Variants in PLXNA4 observed in about 807,000 individuals in gnomAD.
PLXNA4 encodes plexin-A4.
Under a neutral mutation model 191.8 loss-of-function variants are expected in PLXNA4, and 44 were observed. The ratio of observed to expected loss-of-function variants is 0.23; its 90% CI spans 0.18 to 0.29. PLXNA4 has a LOEUF of 0.29. Among genes scored for constraint, PLXNA4 ranks in the 10% least tolerant of loss-of-function variants. The pLI is 1.00. For synonymous variants in PLXNA4, 1,082 were observed against 1,009.5 expected (o/e 1.07, Z -1.36); for missense variants, 1,800 against 2,488.8 (o/e 0.72, Z 5.89).
At chr7:132,398,313 A>G (rs1351013670) in intron 3 of PLXNA4, among the ~76,000 whole-genome samples, 1 of 152,250 alleles carries the variant, frequency 6.6e-6, no homozygotes, top group Non-Finnish European at 1.5e-5. Flanking sequence ...TTGTGACTTC[A>G]GAGGACTGAT....
chr7:132,162,478 G>T (rs1795979834), intron 24 of PLXNA4, among the ~76,000 whole-genome samples: 1 of 152,182 alleles, frequency 6.6e-6, no homozygotes. Flanking sequence ...TTGCAATTTG[G>T]GGACAGAACA....
chr7:132,348,571 C>G (rs946030595), intron 3 of PLXNA4, among the ~76,000 whole-genome samples: 2 of 152,200 alleles, frequency 1.3e-5, no homozygotes, highest in Admixed American at 6.5e-5. Flanking sequence ...TTGTTCCCAG[C>G]TGCAAGCACA....
chr7:132,304,506 T>C (rs909224614), intron 3 of PLXNA4, among the ~76,000 whole-genome samples: 1 of 152,188 alleles, frequency 6.6e-6, no homozygotes, highest in African/African-American at 2.4e-5. Context: ...AGTATAAAAA[T>C]TTTATTGAGA....
intron 3 of PLXNA4, among the ~76,000 whole-genome samples, chr7:132,370,823 T>C (rs1375073201): frequency 6.6e-6 from 1 of 152,214 alleles, no homozygotes. Context: ...CCTCTGCTGT[T>C]AGGCAAAACT....
intron 3 of PLXNA4, among the ~76,000 whole-genome samples, chr7:132,336,516 C>G (rs1481025195): frequency 3.3e-5 from 5 of 152,176 alleles, no homozygotes; most frequent in Admixed American, 2.0e-4. Flanking sequence ...TCTCTCTCCT[C>G]TAGAGATATT....
At chr7:132,466,515 G>A (rs1166838040) in intron 3 of PLXNA4, among the ~76,000 whole-genome samples, 3 of 152,238 alleles carry the variant, frequency 2.0e-5, no homozygotes, top group Non-Finnish European at 4.4e-5. Flanking sequence ...ACGCAGAGCA[G>A]CATCCACACT....
intron 3 of PLXNA4, among the ~76,000 whole-genome samples, chr7:132,428,544 AT>A (rs1314725456): frequency 6.6e-6 from 1 of 152,078 alleles, no homozygotes; most frequent in Non-Finnish European, 1.5e-5. Flanking sequence ...GAGATTTATT[AT>A]TTTGGGGTGA....
chr7:132,248,425 A>T (rs981846707), intron 4 of PLXNA4, among the ~76,000 whole-genome samples: 1 of 152,200 alleles, frequency 6.6e-6, no homozygotes, highest in Non-Finnish European at 1.5e-5. Flanking sequence ...TTGTGGCAAT[A>T]GCTAGCTGAT....
intron 28 of PLXNA4, 48 bp from the exon 29 acceptor site, chr7:132,145,336 G>A (rs1484088667): frequency 1.9e-6 from 3 of 1,607,396 alleles, no homozygotes; most frequent in South Asian, 1.1e-5. Flanking sequence ...ACGTAGTTCT[G>A]AGGATGGCTT....
rs1796086561 is a variant in PLXNA4 at position 132,165,206 on chromosome 7, A to G, written c.4287-6T>C. The G allele has an allele frequency of 1.2e-6, 2 of 1,612,218 alleles. No homozygotes were observed. Among genetic ancestry groups the G allele is most frequent in the Non-Finnish European group, 1.7e-6 (2 of 1,178,892 alleles). ...TCTCAGCCACTGACTCAGTCCTGTC[A>G]GCAGTCACCGAGGGAACCAACGGAA... On this transcript the variant is annotated splice_region_variant and splice_polypyrimidine_tract_variant and intron_variant, in intron 22 of 31. Transcript: ENST00000321063.
rs747252437 is a variant in PLXNA4, at chr7:132,228,489, G to A, written c.1605-20C>T. 5 of 1,613,452 alleles carry A rather than the reference G, an allele frequency of 3.1e-6. No homozygotes were observed. The highest frequency in any genetic ancestry group is 2.7e-5 in the African/African-American group (2 of 74,906). On this transcript the variant is annotated intron_variant, in intron 5 of 31. Coordinates refer to ENST00000321063, the MANE Select transcript of PLXNA4 (RefSeq NM_020911.2). The stretch of plus-strand genomic sequence containing the variant: ...GTGCAACTGGGAAGGACATACCCTC[G>A]AGTTACTCAGGAGATGGCCGCTTGG...
At chr7:132,622,814 G>A (rs959449803) in intron 2 of PLXNA4, among the ~76,000 whole-genome samples, 1 of 152,150 alleles carries the variant, frequency 6.6e-6, no homozygotes, top group Admixed American at 6.5e-5. Flanking sequence ...AGCTGCCCTC[G>A]AGCTCAGGGC....
Position 132,181,965 on chromosome 7 carries a change from C to A in PLXNA4, c.3252+132G>T, listed in dbSNP as rs544522184. ...CCCCCTATTCCACTATCCTAGTATTCAAGGGTGTCAGGCTGTGGGTTATCA... is the reference window on the plus strand; with the variant it reads ...CCCCCTATTCCACTATCCTAGTATTAAAGGGTGTCAGGCTGTGGGTTATCA... On this transcript the variant is annotated intron_variant, in intron 17 of 31. Coordinates refer to ENST00000321063, the MANE Select transcript of PLXNA4 (RefSeq NM_020911.2). 161 of 1,433,648 alleles carry A rather than the reference C, an allele frequency of 1.1e-4. No homozygotes were observed. The African/African-American group carries it at 2.0e-3, about 18-fold the overall frequency. The allele number at this position is 1,433,648 out of a possible 1,614,324, so 88.8% of individuals were successfully genotyped here.
At chr7:132,174,979 A>G (rs1796411027) in intron 20 of PLXNA4, 59 bp from the exon 21 acceptor site, 1 of 1,602,266 alleles carries the variant, frequency 6.2e-7, no homozygotes, top group African/African-American at 1.3e-5. Flanking sequence ...AGTCACCTCC[A>G]TCTCAGAATG....
At chr7:132,512,735 G>C (rs997460521) in intron 1 of PLXNA4, among the ~76,000 whole-genome samples, 2 of 152,140 alleles carry the variant, frequency 1.3e-5, no homozygotes, top group Non-Finnish European at 2.9e-5. Flanking sequence ...GCTGTCTAAG[G>C]CTGCTCCAAT....
intron 3 of PLXNA4, among the ~76,000 whole-genome samples, chr7:132,459,650 G>T (rs1796429634): frequency 6.6e-6 from 1 of 152,052 alleles, no homozygotes; most frequent in Non-Finnish European, 1.5e-5. Context: ...TAGCAAATCT[G>T]GGCTTGTTTC....
chr7:132,645,779 G>T (rs1803855035), intron 2 of PLXNA4: 1 of 152,386 alleles, frequency 6.6e-6, no homozygotes, highest in Non-Finnish European at 1.5e-5. Context: ...GCACACGTAA[G>T]GTGGCATTAC....
At chr7:132,413,117 T>G (rs1202372534) in intron 3 of PLXNA4, among the ~76,000 whole-genome samples, 1 of 152,098 alleles carries the variant, frequency 6.6e-6, no homozygotes, top group Non-Finnish European at 1.5e-5. Flanking sequence ...AACACTCTCA[T>G]TACTAGATAC....
intron 3 of PLXNA4, among the ~76,000 whole-genome samples, chr7:132,426,661 T>C (rs964317740): frequency 2.6e-5 from 4 of 152,076 alleles, no homozygotes; most frequent in Admixed American, 1.3e-4. Flanking sequence ...TCTGGAGAAA[T>C]TACAGACAGT....
Sources: gnomAD v4.1 joint callset for allele counts (sites outside exome capture counted in the v4.1 genomes callset) on GRCh38, gnomAD v4.1.1 for gene constraint, MANE v1.5 for transcripts, NCBI Gene and HGNC (gene_info 2026-07-23, HGNC 2026-07-21) for gene names.